DENND11: variants seen among roughly 807,000 people sequenced by gnomAD.
The protein encoded by DENND11 is DENN domain containing 11, also known as DENN domain-containing protein 11.
A neutral mutation model predicts 49.2 loss-of-function variants in DENND11; 34 were observed. The ratio of observed to expected loss-of-function variants is 0.69; its 90% CI spans 0.53 to 0.92. DENND11 has a LOEUF of 0.92. Among genes scored for constraint, DENND11 ranks in the 40% least tolerant of loss-of-function variants. The pLI is 0.00. For missense variants in DENND11, 475 were observed against 581.6 expected (o/e 0.82, Z 1.88); for synonymous variants, 238 against 230.3 (o/e 1.03, Z -0.30).
At chr7:141,669,382 G>C (rs573770374) in intron 4 of DENND11, among the ~76,000 whole-genome samples, 11 of 151,854 alleles carry the variant, frequency 7.2e-5, no homozygotes, top group Middle Eastern at 3.4e-3. Flanking sequence ...CAAGTAGCTG[G>C]GATTACAGGC....
chr7:141,682,118 CT>C (rs936347653), intron 3 of DENND11, among the ~76,000 whole-genome samples: 5 of 152,106 alleles, frequency 3.3e-5, no homozygotes, highest in Non-Finnish European at 7.4e-5. Context: ...CTTGTCTATT[CT>C]TTTATAAGTT....
In DENND11 at chr7:141,663,949, C is replaced by A. The variant is rs1797845214; in HGVS notation, c.1172+223G>T. ...AACAAGGAAAGAAACACTAAGACTC[C>A]TGTTTTCTCTTAAGGGACCTGCTTC... On this transcript the variant is annotated intron_variant, in intron 8 of 8. Coordinates refer to ENST00000536163, the MANE Select transcript of DENND11 (RefSeq NM_001080392.2). 7 of 477,734 alleles carry A rather than the reference C, an allele frequency of 1.5e-5. 1 individual carries two copies. The South Asian group carries it at 3.3e-4, about 22-fold the overall frequency. 29.6% of individuals were successfully genotyped at this position (477,734 alleles called of 1,614,324 possible).
At chr7:141,685,393 G>C (rs942625310) in intron 3 of DENND11, 85 bp downstream of exon 3, 3 of 1,493,704 alleles carry the variant, frequency 2.0e-6, no homozygotes, top group Non-Finnish European at 2.7e-6. Context: ...GCTCTGGCAC[G>C]CAAATGCTGT....
In DENND11 at chr7:141,685,753, G is replaced by A. The variant is rs77126530; in HGVS notation, c.369-117C>T. On this transcript the variant is annotated intron_variant, in intron 2 of 8. Transcript: ENST00000536163. ...TGTCAATGACAAAGCTCAGCCTCAA[G>A]AAAACAAGCGGGCCAAGCCACATGA... 3.5e-4 allele frequency: 405 copies of A among 1,143,746 alleles called. 2 individuals carry two copies. The East Asian group carries it at 9.6e-3, about 27-fold the overall frequency. 70.8% of individuals were successfully genotyped at this position (1,143,746 alleles called of 1,614,324 possible).
chr7:141,670,729 G>A (rs923846819), intron 4 of DENND11, among the ~76,000 whole-genome samples: 4 of 152,198 alleles, frequency 2.6e-5, no homozygotes, highest in South Asian at 2.1e-4. Context: ...TGGACCCGTC[G>A]TAAGTCAAGG....
Position 141,661,496 on chromosome 7 carries a change from A to G in DENND11, c.*1160T>C, listed in dbSNP as rs1283128003. On this transcript the variant is annotated 3_prime_UTR_variant, in exon 9 of 9. Coordinates refer to ENST00000536163, the MANE Select transcript of DENND11 (RefSeq NM_001080392.2). ...CTGTCCCGGGTGAAGGCACTGCCAC[A>G]TTTTCTCTCAACAAATCTGTTATGT... is the stretch of plus-strand genomic sequence containing the variant. 1 of 152,172 alleles carries G rather than the reference A, an allele frequency of 6.6e-6. No homozygotes were observed. The highest frequency in any genetic ancestry group is 1.5e-5 in the Non-Finnish European group (1 of 68,064). 9.4% of individuals were successfully genotyped at this position (152,172 alleles called of 1,614,324 possible). A position where few individuals can be genotyped will look rare whatever the true frequency, so the allele number is the denominator to read the frequency against.
chr7:141,692,017 C>T (rs924663697), intron 1 of DENND11, among the ~76,000 whole-genome samples: 1 of 152,128 alleles, frequency 6.6e-6, no homozygotes, highest in African/African-American at 2.4e-5. Flanking sequence ...GGAAAATGTT[C>T]TTATCCTTAG....
chr7:141,681,605 T>C (rs1798147299), intron 3 of DENND11, among the ~76,000 whole-genome samples: 1 of 152,138 alleles, frequency 6.6e-6, no homozygotes, highest in Non-Finnish European at 1.5e-5. Flanking sequence ...TTAAAAACAA[T>C]GACCCAAAGA....
At position 141,664,592 on chromosome 7, in the gene DENND11, C is replaced by T. The variant is rs77394973; in HGVS notation, c.1103+312G>A. ...GTGCTCAGTCAAGGTGCTTCTAAGC[C>T]GCACACACAGGTACATCTAAAGGTC... On this transcript the variant is annotated intron_variant, in intron 7 of 8. Coordinates refer to ENST00000536163, the MANE Select transcript of DENND11 (RefSeq NM_001080392.2). 8.9e-4 allele frequency among the ~76,000 whole-genome samples: 136 copies of T among 152,296 alleles called. No homozygotes were observed. In the East Asian group the frequency reaches 0.02, roughly 22 times the overall value.
At chr7:141,680,790 A>C (rs538686272) in intron 3 of DENND11, among the ~76,000 whole-genome samples, 1 of 152,132 alleles carries the variant, frequency 6.6e-6, no homozygotes, top group African/African-American at 2.4e-5. Context: ...CAACTCTAGA[A>C]AATGACATAA....
At chr7:141,697,624 C>T (rs1384706294) in intron 1 of DENND11, among the ~76,000 whole-genome samples, 1 of 152,198 alleles carries the variant, frequency 6.6e-6, no homozygotes, top group Non-Finnish European at 1.5e-5. Flanking sequence ...TTGTCACTTT[C>T]CCACCCATTG....
At chr7:141,662,995 AAGAGT>A (rs913238821) in intron 8 of DENND11, 144 bp from the exon 9 acceptor site, 1 of 539,510 alleles carries the variant, frequency 1.9e-6, no homozygotes, top group South Asian at 4.1e-5. Flanking sequence ...AAAAAAAGAA[AAGAGT>A]AAAAGTTAAT....
chr7:141,662,334 T>C lies in DENND11; in HGVS notation c.*322A>G, dbSNP rs75995247. The C allele has an allele frequency of 4.6e-4, 132 of 289,188 alleles. No individual in the cohort carries two copies. The highest frequency in any genetic ancestry group is 2.5e-3 in the African/African-American group (117 of 46,420). 17.9% of individuals were successfully genotyped at this position (289,188 alleles called of 1,614,324 possible). A position where few individuals can be genotyped will look rare whatever the true frequency, so the allele number is the denominator to read the frequency against. Reference sequence around the variant, plus strand: ...AGGGACAAAGACCACACAGACTTTCTGAACAGTCCATCCCAATGTTTCCAG... The same window carrying C: ...AGGGACAAAGACCACACAGACTTTCCGAACAGTCCATCCCAATGTTTCCAG... On this transcript the variant is annotated 3_prime_UTR_variant, in exon 9 of 9. Coordinates refer to ENST00000536163, the MANE Select transcript of DENND11 (RefSeq NM_001080392.2).
intron 3 of DENND11, among the ~76,000 whole-genome samples, chr7:141,675,773 A>G (rs1049463248): frequency 3.3e-5 from 5 of 152,202 alleles, no homozygotes; most frequent in African/African-American, 1.2e-4. Flanking sequence ...CTTCAGACAA[A>G]TTTATATTTT....
At chr7:141,682,533 A>T (rs1481170497) in intron 3 of DENND11, among the ~76,000 whole-genome samples, 2 of 152,190 alleles carry the variant, frequency 1.3e-5, no homozygotes, top group Non-Finnish European at 2.9e-5. Flanking sequence ...CTTCTTCCCT[A>T]TGGGCTGAAA....
intron 3 of DENND11, among the ~76,000 whole-genome samples, chr7:141,683,116 C>T (rs1479521491): frequency 6.6e-6 from 1 of 152,004 alleles, no homozygotes; most frequent in African/African-American, 2.4e-5. Context: ...ATGTATAGGA[C>T]AGCTCCAGCA....
At chr7:141,693,946 G>A (rs973060578) in intron 1 of DENND11, among the ~76,000 whole-genome samples, 45 of 152,130 alleles carry the variant, frequency 3.0e-4, no homozygotes, top group Admixed American at 2.7e-3. Context: ...GTACAACAGT[G>A]AACCTTAATG....
Position 141,701,910 on chromosome 7 carries a change from C to T in DENND11, c.244G>A (p.Val82Met). 1.6e-6 allele frequency: 2 copies of T among 1,212,628 alleles called. No individual in the cohort carries two copies. The highest frequency in any genetic ancestry group is 7.4e-5 in the South Asian group (2 of 26,854). The allele number at this position is 1,212,628 out of a possible 1,614,324, so 75.1% of individuals were successfully genotyped here. ...CCCGAGCGGGGGTCGAAGGTGACCA[C>T]GAACACGGCCACCACCTGGTCCTCC... is the stretch of plus-strand genomic sequence containing the variant. The part of the protein sequence containing the change: ...VEEDQVVAVF[V>M]VTFDPRSGNM... The change falls in exon 1 of 9, where the codon GTG (valine) becomes ATG (methionine). Residue 82 changes from valine (V) to methionine (M), a missense_variant. Transcript: ENST00000536163.
At chr7:141,667,818 G>C (rs1797918372) in intron 4 of DENND11, among the ~76,000 whole-genome samples, 1 of 152,120 alleles carries the variant, frequency 6.6e-6, no homozygotes, top group Admixed American at 6.5e-5. Context: ...CCTTTCCAAG[G>C]CATCACTCCT....
Sources: gnomAD v4.1 joint callset for allele counts (sites outside exome capture counted in the v4.1 genomes callset) on GRCh38, gnomAD v4.1.1 for gene constraint, MANE v1.5 for transcripts, NCBI Gene and HGNC (gene_info 2026-07-23, HGNC 2026-07-21) for gene names.